Variants in SLC13A3 observed in about 807,000 individuals in gnomAD.
SLC13A3 encodes Na(+)/dicarboxylate cotransporter 3.
Under a neutral mutation model 59.0 loss-of-function variants are expected in SLC13A3, and 40 were observed. The ratio of observed to expected loss-of-function variants is 0.68; its 90% CI spans 0.53 to 0.88. The LOEUF is 0.88. Ranked by LOEUF, SLC13A3 falls within the 40% of genes least tolerant of loss-of-function variation. SLC13A3 has a pLI of 0.00. For synonymous variants in SLC13A3, 317 were observed against 330.3 expected (o/e 0.96, Z 0.44); for missense variants, 699 against 783.2 (o/e 0.89, Z 1.28).
At chr20:46,568,668 G>GA (rs2146085702) in intron 10 of SLC13A3, among the ~76,000 whole-genome samples, 1 of 152,344 alleles carries the variant, frequency 6.6e-6, no homozygotes, top group African/African-American at 2.4e-5. Context: ...GCTGCAGGGA[G>GA]AAAATGGGAC....
At chr20:46,655,212 A>C (rs541983483), upstream of SLC13A3, among the ~76,000 whole-genome samples, 1 of 41,234 alleles carries the variant, frequency 2.4e-5, no homozygotes, top group African/African-American at 2.5e-4. Context: ...GGGTCTGTAG[A>C]TTTATAATAT....
At chr20:46,622,849 T>C (rs1163599293) in intron 1 of SLC13A3, among the ~76,000 whole-genome samples, 1 of 152,178 alleles carries the variant, frequency 6.6e-6, no homozygotes, top group Non-Finnish European at 1.5e-5. Context: ...CCAATAACTT[T>C]GATGATTTCA....
intron 1 of SLC13A3, among the ~76,000 whole-genome samples, chr20:46,624,111 ACT>A (rs777389967): frequency 4.3e-4 from 65 of 152,010 alleles, no homozygotes; most frequent in Non-Finnish European, 8.4e-4. Flanking sequence ...TCTCTGCCTC[ACT>A]GTCTCCCACA....
chr20:46,678,770 CT>C (rs2063139669), intron 1 of SLC13A3, among the ~76,000 whole-genome samples: 1 of 152,158 alleles, frequency 6.6e-6, no homozygotes, highest in African/African-American at 2.4e-5. Context: ...GGTTTGTCCC[CT>C]CCAAATCTCA....
At chr20:46,604,079 G>C (rs969737130) in intron 3 of SLC13A3, among the ~76,000 whole-genome samples, 2 of 151,974 alleles carry the variant, frequency 1.3e-5, no homozygotes, top group African/African-American at 4.8e-5. Context: ...AGAGAAAGAA[G>C]AAAACAGAGC....
chr20:46,571,467 C>A (rs1397182468), intron 10 of SLC13A3, among the ~76,000 whole-genome samples: 1 of 152,072 alleles, frequency 6.6e-6, no homozygotes, highest in Non-Finnish European at 1.5e-5. Flanking sequence ...GGTTTGAGCA[C>A]CCAGGGTATA....
At chr20:46,609,422 T>C (rs1431654216) in intron 3 of SLC13A3, among the ~76,000 whole-genome samples, 1 of 152,222 alleles carries the variant, frequency 6.6e-6, no homozygotes, top group Non-Finnish European at 1.5e-5. Context: ...ATCCCTCCGT[T>C]CATAATACGT....
intron 2 of SLC13A3, among the ~76,000 whole-genome samples, chr20:46,612,068 C>CT (rs1555879602): frequency 2.1e-5 from 3 of 141,812 alleles, no homozygotes; most frequent in Non-Finnish European, 4.6e-5. Context: ...TTTTCTCTTT[C>CT]TTTTTTTTCT....
intron 2 of SLC13A3, among the ~76,000 whole-genome samples, chr20:46,611,827 A>G (rs1435810474): frequency 6.6e-6 from 1 of 152,186 alleles, no homozygotes; most frequent in Admixed American, 6.5e-5. Context: ...AATGAGACGT[A>G]TTTGAAATAA....
At chr20:46,600,974 C>G (rs1214887603) in intron 3 of SLC13A3, among the ~76,000 whole-genome samples, 1 of 152,114 alleles carries the variant, frequency 6.6e-6, no homozygotes, top group Non-Finnish European at 1.5e-5. Flanking sequence ...AAATGGAATC[C>G]ATCCTATGAA....
chr20:46,600,421 GGAAA>G (rs1316147531), intron 3 of SLC13A3, among the ~76,000 whole-genome samples: 4 of 128,634 alleles, frequency 3.1e-5, no homozygotes, highest in Admixed American at 7.9e-5. Context: ...AAGGAAGGAA[GGAAA>G]GGAAGGAAGG....
intron 1 of SLC13A3, among the ~76,000 whole-genome samples, chr20:46,615,453 C>T (rs937214553): frequency 6.6e-6 from 1 of 152,144 alleles, no homozygotes. Context: ...CACGGAGACC[C>T]ATCAGACAAC....
At chr20:46,601,427 C>T in intron 3 of SLC13A3, among the ~76,000 whole-genome samples, 1 of 152,060 alleles carries the variant, frequency 6.6e-6, no homozygotes, top group East Asian at 1.9e-4. Context: ...ACTTGGAACC[C>T]AGAGCCAAAA....
At chr20:46,563,665 A>G in intron 11 of SLC13A3, 114 bp from the exon 12 acceptor site, 1 of 1,154,060 alleles carries the variant, frequency 8.7e-7, no homozygotes, top group Non-Finnish European at 1.2e-6. Flanking sequence ...AGACGTAGAG[A>G]CAGAGAGACA....
chr20:46,674,544 C>T (rs2063110998), upstream of SLC13A3, among the ~76,000 whole-genome samples: 1 of 151,680 alleles, frequency 6.6e-6, no homozygotes, highest in Non-Finnish European at 1.5e-5. Flanking sequence ...CAGGACTATA[C>T]TCTGTTTTGC....
intron 3 of SLC13A3, among the ~76,000 whole-genome samples, chr20:46,608,304 C>G (rs971346583): frequency 6.6e-6 from 1 of 152,166 alleles, no homozygotes; most frequent in Non-Finnish European, 1.5e-5. Flanking sequence ...CCCATAAATA[C>G]AATTTTTTTG....
chr20:46,566,567 C>G lies in SLC13A3; in HGVS notation c.1333-177G>C, dbSNP rs184859303. On this transcript the variant is annotated intron_variant, in intron 10 of 12. Coordinates refer to ENST00000279027, the MANE Select transcript of SLC13A3 (RefSeq NM_022829.6). ...ACACATTCGAGCCAAGGTCACACAT[C>G]TGAGCCAGCAGCCTCTCTACTTCTC... 1.3e-5 allele frequency: 8 copies of G among 599,408 alleles called. No individual in the cohort carries two copies. The East Asian group carries it at 2.6e-4, about 19-fold the overall frequency. The allele number at this position is 599,408 out of a possible 1,614,324, so 37.1% of individuals were successfully genotyped here.
At chr20:46,568,401 C>CAAAAAAAA (rs66526539) in intron 10 of SLC13A3, among the ~76,000 whole-genome samples, 5 of 58,708 alleles carry the variant, frequency 8.5e-5, no homozygotes, top group African/African-American at 2.1e-4. Flanking sequence ...GACTCCATCT[C>CAAAAAAAA]AAAAAAAAAA....
chr20:46,611,180 A>C (rs1038557226), intron 2 of SLC13A3, among the ~76,000 whole-genome samples: 2 of 152,220 alleles, frequency 1.3e-5, no homozygotes, highest in Non-Finnish European at 2.9e-5. Context: ...TTAATAGAAG[A>C]AACCAATTAT....
Sources: gnomAD v4.1 joint callset for allele counts (sites outside exome capture counted in the v4.1 genomes callset) on GRCh38, gnomAD v4.1.1 for gene constraint, MANE v1.5 for transcripts, NCBI Gene and HGNC (gene_info 2026-07-23, HGNC 2026-07-21) for gene names.